ERBB4: variants seen among roughly 807,000 people sequenced by gnomAD.
The protein encoded by ERBB4 is erb-b2 receptor tyrosine kinase 4.
Under a neutral mutation model 158.0 loss-of-function variants are expected in ERBB4, and 42 were observed. The ratio of observed to expected loss-of-function variants is 0.27; its 90% CI spans 0.21 to 0.34. ERBB4 has a LOEUF of 0.34. Among genes scored for constraint, ERBB4 ranks in the 10% least tolerant of loss-of-function variants. The pLI, the probability that ERBB4 is intolerant of heterozygous loss-of-function variation, is 1.00. For synonymous variants in ERBB4, 583 were observed against 558.7 expected (o/e 1.04, Z -0.61); for missense variants, 1,333 against 1,624.1 (o/e 0.82, Z 3.08).
chr2:211,640,846 A>G (rs1408309616), intron 16 of ERBB4, among the ~76,000 whole-genome samples: 1 of 152,152 alleles, frequency 6.6e-6, no homozygotes, highest in African/African-American at 2.4e-5. Flanking sequence ...GATAAAAAGT[A>G]TAACCTCAAC....
intron 25 of ERBB4, among the ~76,000 whole-genome samples, chr2:211,392,354 GAAAC>G (rs1321311575): frequency 2.6e-5 from 4 of 152,110 alleles, no homozygotes; most frequent in Non-Finnish European, 5.9e-5. Context: ...CAATCAGAAG[GAAAC>G]AAACAGAATG....
At chr2:212,138,391 C>T (rs2080340388) in intron 1 of ERBB4, among the ~76,000 whole-genome samples, 1 of 152,086 alleles carries the variant, frequency 6.6e-6, no homozygotes, top group South Asian at 2.1e-4. Flanking sequence ...TGTTTGCCCC[C>T]TCCAAAACAG....
chr2:211,444,153 A>G (rs2064055705), intron 20 of ERBB4, among the ~76,000 whole-genome samples: 1 of 151,314 alleles, frequency 6.6e-6, no homozygotes, highest in South Asian at 2.1e-4. Context: ...TCTGTATAAC[A>G]TTTCACTTTA....
intron 1 of ERBB4, among the ~76,000 whole-genome samples, chr2:212,152,417 G>A (rs1310101164): frequency 6.6e-6 from 1 of 152,158 alleles, no homozygotes; most frequent in Non-Finnish European, 1.5e-5. Context: ...TTTGCAGAAT[G>A]TATTATTTTC....
In ERBB4 at chr2:212,422,710, T is replaced by C. The variant is rs138980937; in HGVS notation, c.82+115739A>G. On this transcript the variant is annotated intron_variant, in intron 1 of 27. Coordinates refer to ENST00000342788, the MANE Select transcript of ERBB4 (RefSeq NM_005235.3). ...CTACCTCATCAGTGATCTACCATTATAAGATATAAAAGACTAGTAGATTCT... is the reference window on the plus strand; with the variant it reads ...CTACCTCATCAGTGATCTACCATTACAAGATATAAAAGACTAGTAGATTCT... 4.3e-3 allele frequency among the ~76,000 whole-genome samples: 659 copies of C among 152,368 alleles called. 3 individuals carry two copies. Among genetic ancestry groups the C allele is most frequent in the Non-Finnish European group, 7.3e-3 (499 of 68,034 alleles).
intron 3 of ERBB4, among the ~76,000 whole-genome samples, chr2:211,847,364 C>A (rs573751654): frequency 2.4e-4 from 37 of 152,232 alleles, no homozygotes; most frequent in African/African-American, 7.5e-4. Context: ...ATGTTAAAAT[C>A]TATCATACAT....
At chr2:211,559,276 C>T (rs936126612) in intron 20 of ERBB4, among the ~76,000 whole-genome samples, 16 of 152,112 alleles carry the variant, frequency 1.1e-4, no homozygotes, top group African/African-American at 3.9e-4. Flanking sequence ...ATTCTTATAT[C>T]GCCTCAATCT....
intron 20 of ERBB4, among the ~76,000 whole-genome samples, chr2:211,559,107 A>C (rs1297694904): frequency 6.6e-6 from 1 of 151,982 alleles, no homozygotes; most frequent in Non-Finnish European, 1.5e-5. Flanking sequence ...CCCATCCTTC[A>C]CCACCTCAGG....
At chr2:212,362,714 A>C (rs552229745) in intron 1 of ERBB4, among the ~76,000 whole-genome samples, 2,144 of 149,036 alleles carry the variant, frequency 0.014, 44 homozygotes, top group African/African-American at 0.051. Flanking sequence ...AAAATAAATA[A>C]TACAATAGAA....
intron 20 of ERBB4, among the ~76,000 whole-genome samples, chr2:211,534,338 G>A (rs1332777474): frequency 6.6e-6 from 1 of 151,974 alleles, no homozygotes; most frequent in African/African-American, 2.4e-5. Context: ...TGGTCAACTC[G>A]GGAGAAAACC....
At chr2:211,691,565 CATAT>C (rs1559423723) in intron 12 of ERBB4, among the ~76,000 whole-genome samples, 1 of 95,774 alleles carries the variant, frequency 1.0e-5, no homozygotes, top group Non-Finnish European at 2.2e-5. Flanking sequence ...TGCATAGAAA[CATAT>C]GTGTGTGTGT....
intron 2 of ERBB4, among the ~76,000 whole-genome samples, chr2:211,964,505 A>G (rs2081262852): frequency 6.6e-6 from 1 of 152,192 alleles, no homozygotes; most frequent in Non-Finnish European, 1.5e-5. Context: ...ATAATGACAT[A>G]GGTGACATTT....
chr2:212,064,101 G>T (rs2077867353), intron 2 of ERBB4, among the ~76,000 whole-genome samples: 2 of 152,140 alleles, frequency 1.3e-5, no homozygotes, highest in Non-Finnish European at 2.9e-5. Flanking sequence ...TGGGAAAGAA[G>T]CATTGTAGCT....
intron 1 of ERBB4, among the ~76,000 whole-genome samples, chr2:212,408,344 T>C (rs757037497): frequency 1.3e-5 from 2 of 152,180 alleles, no homozygotes; most frequent in Non-Finnish European, 2.9e-5. Context: ...ATGCGGTGTT[T>C]GGTTTTCTGT....
chr2:212,475,284 C>T (rs1198246972), intron 1 of ERBB4, among the ~76,000 whole-genome samples: 1 of 152,146 alleles, frequency 6.6e-6, no homozygotes, highest in Non-Finnish European at 1.5e-5. Context: ...CTGCAGTCAT[C>T]ATGAATCACT....
intron 3 of ERBB4, among the ~76,000 whole-genome samples, chr2:211,859,344 G>A (rs2077954756): frequency 6.6e-6 from 1 of 152,034 alleles, no homozygotes; most frequent in Non-Finnish European, 1.5e-5. Flanking sequence ...TGATTATCAT[G>A]TTATCACATC....
chr2:212,221,021 A>T (rs2105953085), intron 1 of ERBB4, among the ~76,000 whole-genome samples: 1 of 151,628 alleles, frequency 6.6e-6, no homozygotes, highest in African/African-American at 2.4e-5. Flanking sequence ...CCAACCCAGT[A>T]TGTAGGTGAC....
chr2:211,770,727 T>C (rs2075669567), intron 4 of ERBB4, among the ~76,000 whole-genome samples: 1 of 152,140 alleles, frequency 6.6e-6, no homozygotes, highest in Non-Finnish European at 1.5e-5. Context: ...ATACTAGAAA[T>C]TGCAAGCTGC....
At chr2:211,570,325 C>CTTTTTTTTT (rs769458178) in intron 19 of ERBB4, among the ~76,000 whole-genome samples, 1,387 of 105,146 alleles carry the variant, frequency 0.013, 57 homozygotes, top group African/African-American at 0.022. Flanking sequence ...CTAATTTTTG[C>CTTTTTTTTT]TTTTTTTTTT....
Sources: gnomAD v4.1 joint callset for allele counts (sites outside exome capture counted in the v4.1 genomes callset) on GRCh38, gnomAD v4.1.1 for gene constraint, MANE v1.5 for transcripts, NCBI Gene and HGNC (gene_info 2026-07-23, HGNC 2026-07-21) for gene names.